Variants in FBXO42 observed in about 807,000 individuals in gnomAD.
The protein encoded by FBXO42 is F-box protein 42.
FBXO42 carries 12 observed loss-of-function variants against 71.7 expected under a neutral mutation model. The observed-to-expected ratio is 0.17, with a 90% CI of 0.11 to 0.27. FBXO42 has a LOEUF of 0.27. Ranked by LOEUF, FBXO42 falls within the 10% of genes least tolerant of loss-of-function variation. FBXO42 has a pLI of 1.00. For missense variants in FBXO42, 707 were observed against 911.9 expected (o/e 0.78, Z 2.89); for synonymous variants, 325 against 327.5 (o/e 0.99, Z 0.08).
At chr1:16,349,613 C>A (rs1158057668) in intron 1 of FBXO42, among the ~76,000 whole-genome samples, 2 of 152,200 alleles carry the variant, frequency 1.3e-5, no homozygotes, top group Admixed American at 6.5e-5. Flanking sequence ...GTAATCCCAG[C>A]ACTTTGGGAG....
intron 5 of FBXO42, among the ~76,000 whole-genome samples, chr1:16,256,070 T>C (rs58373614): frequency 0.027 from 4,038 of 152,280 alleles, 184 homozygotes; most frequent in African/African-American, 0.09. Context: ...AGAGACAAGA[T>C]CATGGCTTCT....
At chr1:16,308,511 T>TTC (rs2082277899) in intron 2 of FBXO42, among the ~76,000 whole-genome samples, 3 of 148,430 alleles carry the variant, frequency 2.0e-5, no homozygotes, top group Admixed American at 1.3e-4. Context: ...TTTTTTTTTT[T>TTC]TTCCTTTAGA....
rs1168964536 is a variant in FBXO42, at chr1:16,251,447, A to G, written c.1377T>C (p.Pro459=). 4 of 1,614,008 alleles carry G rather than the reference A, an allele frequency of 2.5e-6. No homozygotes were observed. In the Admixed American group the frequency reaches 5.0e-5, roughly 20 times the overall value. ...AAVGGSSLDS[P]VQAISPSTPS... Reference sequence around the variant, plus strand: ...GAGTACTTGGAGATATGGCCTGTACAGGACTGTCCAAAGAAGAGCCACCCA... The same window carrying G: ...GAGTACTTGGAGATATGGCCTGTACGGGACTGTCCAAAGAAGAGCCACCCA... Residue 459 remains proline (P), a synonymous_variant, in exon 10 of 10, where the codon CCT becomes CCC. Transcript: ENST00000375592. The surrounding 1 kb of genome is among the most constrained non-coding windows in gnomAD (Gnocchi z 4.5).
intron 3 of FBXO42, among the ~76,000 whole-genome samples, chr1:16,300,434 T>C (rs2082179162): frequency 6.6e-6 from 1 of 152,244 alleles, no homozygotes; most frequent in East Asian, 1.9e-4. Context: ...TGCAAGATCT[T>C]CCAGTAGTTT....
intron 5 of FBXO42, among the ~76,000 whole-genome samples, chr1:16,256,316 A>G (rs771912052): frequency 9.2e-5 from 14 of 152,256 alleles, no homozygotes; most frequent in Non-Finnish European, 1.3e-4. Flanking sequence ...CCAAAGCTGA[A>G]GAGCTCGCTG....
chr1:16,303,070 T>C (rs1470980299), intron 3 of FBXO42, among the ~76,000 whole-genome samples: 1 of 151,694 alleles, frequency 6.6e-6, no homozygotes, highest in Non-Finnish European at 1.5e-5. Flanking sequence ...CAAAAACTAA[T>C]TCAAAAAAGA....
chr1:16,328,082 A>G (rs2100602085), intron 1 of FBXO42, among the ~76,000 whole-genome samples: 1 of 152,312 alleles, frequency 6.6e-6, no homozygotes, highest in Non-Finnish European at 1.5e-5. Context: ...GAGAAATTCC[A>G]AGGTTTTCTA....
In FBXO42 at chr1:16,255,858, C is replaced by A. The variant is rs1242167071; in HGVS notation, c.657-37G>T. The A allele has an allele frequency of 6.9e-6, 10 of 1,439,068 alleles. No homozygotes were observed. In the East Asian group the frequency reaches 2.1e-4, roughly 30 times the overall value. 89.1% of individuals were successfully genotyped at this position (1,439,068 alleles called of 1,614,324 possible). ...AGACAGGAGGAAGTCAAGAAGTCAG[C>A]ACCACACACTTTATGTAAAAATAGT... is the stretch of plus-strand genomic sequence containing the variant. On this transcript the variant is annotated intron_variant, in intron 5 of 9. Transcript: ENST00000375592.
intron 1 of FBXO42, among the ~76,000 whole-genome samples, chr1:16,349,777 G>A (rs942629941): frequency 1.3e-5 from 2 of 152,318 alleles, no homozygotes; most frequent in South Asian, 2.1e-4. Flanking sequence ...CAGGAGAATC[G>A]CCTGAACCGG....
chr1:16,273,188 C>T (rs1367631900), intron 4 of FBXO42, among the ~76,000 whole-genome samples: 1 of 152,146 alleles, frequency 6.6e-6, no homozygotes, highest in Admixed American at 6.5e-5. Flanking sequence ...AACCGGTAAC[C>T]AGCAAGTGAC....
At chr1:16,286,541 TG>T (rs2082024184) in intron 4 of FBXO42, among the ~76,000 whole-genome samples, 1 of 152,110 alleles carries the variant, frequency 6.6e-6, no homozygotes, top group Non-Finnish European at 1.5e-5. Flanking sequence ...CCTTGACACA[TG>T]GGGATTATGA....
chr1:16,350,265 C>A (rs538653671), intron 1 of FBXO42, among the ~76,000 whole-genome samples: 17 of 152,008 alleles, frequency 1.1e-4, no homozygotes, highest in African/African-American at 4.1e-4. Flanking sequence ...ACATATTATG[C>A]CAAGAAGCAT....
chr1:16,272,623 A>G (rs1370998205), intron 4 of FBXO42, among the ~76,000 whole-genome samples: 4 of 152,182 alleles, frequency 2.6e-5, no homozygotes, highest in African/African-American at 4.8e-5. Context: ...ACAAAGGTAG[A>G]GGTGGAGAGA....
intron 4 of FBXO42, among the ~76,000 whole-genome samples, chr1:16,277,541 AC>A (rs2081917614): frequency 6.6e-6 from 1 of 151,622 alleles, no homozygotes; most frequent in Non-Finnish European, 1.5e-5. Flanking sequence ...CCTGGCCAAC[AC>A]GGTGAAACCC....
intron 1 of FBXO42, among the ~76,000 whole-genome samples, chr1:16,317,000 G>T (rs920601988): frequency 1.3e-5 from 2 of 152,164 alleles, no homozygotes; most frequent in Admixed American, 6.6e-5. Flanking sequence ...AAGATAGAAG[G>T]CCGGATGCAG....
chr1:16,259,995 G>A (rs770817622), intron 4 of FBXO42, among the ~76,000 whole-genome samples: 44 of 152,060 alleles, frequency 2.9e-4, no homozygotes, highest in Admixed American at 1.6e-3. Flanking sequence ...TTCTATCATT[G>A]CAGAAAGTTC....
Position 16,248,720 on chromosome 1 carries a change from G to A in FBXO42, c.*1950C>T, listed in dbSNP as rs571626315. ...TGATCGAACAGTCTTTGCCAAGCAA[G>A]GATTGGCAACAGCACCAGAGCCTGA... On this transcript the variant is annotated 3_prime_UTR_variant, in exon 10 of 10. Transcript: ENST00000375592. 16 of 152,346 alleles carry A rather than the reference G, an allele frequency of 1.1e-4. 1 individual carries two copies. The highest frequency in any genetic ancestry group is 3.9e-4 in the Admixed American group (6 of 15,304). The allele number at this position is 152,346 out of a possible 1,614,324, so 9.4% of individuals were successfully genotyped here. A position where few individuals can be genotyped will look rare whatever the true frequency, so the allele number is the denominator to read the frequency against.
rs772737366 is a variant in FBXO42, at chr1:16,251,551, C to T, written c.1273G>A (p.Glu425Lys). The change falls in exon 10 of 10, where the codon GAA (glutamate) becomes AAA (lysine). Residue 425 changes from glutamate to lysine, a missense_variant. By Grantham distance (56) the Glu-to-Lys change is moderately conservative. Transcript: ENST00000375592. This position sits in a 1 kb window ranked among gnomAD's most constrained non-coding sequence, Gnocchi z 4.5. ...AQRQTPSGSR[E>K]GSLSPARGDG... The stretch of plus-strand genomic sequence containing the variant: ...CCTCTGGCTGGGGAAAGGCTCCCTT[C>T]CCGGGAACCTGAAGGAGTCTGCCTT... 6.7e-5 allele frequency: 108 copies of T among 1,614,042 alleles called. No homozygotes were observed. The highest frequency in any genetic ancestry group is 8.7e-5 in the Non-Finnish European group (103 of 1,180,024).
At chr1:16,329,114 G>A (rs2082474204) in intron 1 of FBXO42, among the ~76,000 whole-genome samples, 1 of 142,326 alleles carries the variant, frequency 7.0e-6, no homozygotes, top group Admixed American at 7.4e-5. Flanking sequence ...AGTGAGCTGA[G>A]ATTGTGCCAC....
Sources: allele counts gnomAD v4.1 joint callset (sites outside exome capture counted in the v4.1 genomes callset), GRCh38; gene constraint gnomAD v4.1.1; non-coding constraint Gnocchi (gnomAD v3.1); transcripts MANE v1.5; gene names NCBI Gene and HGNC (gene_info 2026-07-23, HGNC 2026-07-21).